PRKG1: variants seen among roughly 807,000 people sequenced by gnomAD.
PRKG1 encodes protein kinase cGMP-dependent 1, also known as cGMP-dependent protein kinase 1.
Under a neutral mutation model 88.1 loss-of-function variants are expected in PRKG1, and 35 were observed. The observed-to-expected ratio is 0.40, with a 90% CI of 0.30 to 0.53. The LOEUF (loss-of-function observed/expected upper bound fraction) is 0.53. Ranked by LOEUF, PRKG1 falls within the 20% of genes least tolerant of loss-of-function variation. The probability of loss-of-function intolerance (pLI) is 0.59; values close to 1 mark genes in which losing one functional copy is unlikely to be tolerated. For synonymous variants in PRKG1, 303 were observed against 292.5 expected, an observed-to-expected ratio of 1.04 and a Z score of -0.37; for missense variants, 540 against 839.8, an observed-to-expected ratio of 0.64 and a Z score of 4.41.
intron 5 of PRKG1, among the ~76,000 whole-genome samples, chr10:51,975,636 G>T (rs75529451): frequency 2.6e-5 from 4 of 152,040 alleles, no homozygotes; most frequent in Non-Finnish European, 4.4e-5. Flanking sequence ...TATGCAGAAG[G>T]TTAATTCATG....
chr10:51,528,674 GGGGGAAGACAGGGGGTGGCATAACTCT>G (rs904138173), intron 3 of PRKG1, among the ~76,000 whole-genome samples: 2 of 151,494 alleles, frequency 1.3e-5, no homozygotes, highest in African/African-American at 4.9e-5. Flanking sequence ...TCTCGGGGTG[GGGGGAAGACAGGGGGTGGCATAACTCT>G]TGCAGAGGGC....
intron 2 of PRKG1, among the ~76,000 whole-genome samples, chr10:51,455,179 G>A (rs207470896): frequency 4.6e-5 from 7 of 152,190 alleles, no homozygotes; most frequent in African/African-American, 1.7e-4. Context: ...GCTCTACCTT[G>A]GCCTCTTTAG....
At chr10:51,045,307 A>ATATGTATT (rs547101306) in intron 1 of PRKG1, among the ~76,000 whole-genome samples, 2 of 150,848 alleles carry the variant, frequency 1.3e-5, no homozygotes, top group African/African-American at 4.9e-5. Context: ...ATAGAAAAAA[A>ATATGTATT]TATTTATTTA....
At chr10:51,180,975 C>G (rs1837326016) in intron 2 of PRKG1, among the ~76,000 whole-genome samples, 1 of 152,014 alleles carries the variant, frequency 6.6e-6, no homozygotes, top group African/African-American at 2.4e-5. Flanking sequence ...ATTATTTGGT[C>G]TATAAAGATT....
intron 2 of PRKG1, among the ~76,000 whole-genome samples, chr10:51,380,961 C>A (rs1401811931): frequency 6.6e-6 from 1 of 152,022 alleles, no homozygotes; most frequent in Non-Finnish European, 1.5e-5. Flanking sequence ...CTACCAGACA[C>A]CCATCTTGCA....
chr10:51,907,925 C>G (rs977251221), intron 5 of PRKG1: 3 of 176,834 alleles, frequency 1.7e-5, no homozygotes, highest in African/African-American at 7.1e-5. Context: ...CAATTTACAA[C>G]TAGGATTAGT....
chr10:51,949,855 T>C (rs145559995), intron 5 of PRKG1, among the ~76,000 whole-genome samples: 1 of 152,220 alleles, frequency 6.6e-6, no homozygotes, highest in Non-Finnish European at 1.5e-5. Flanking sequence ...TAATCATACA[T>C]GTATACATGC....
chr10:51,882,470 A>C (rs563089964), intron 4 of PRKG1, among the ~76,000 whole-genome samples: 7 of 152,250 alleles, frequency 4.6e-5, no homozygotes, highest in South Asian at 2.1e-4. Flanking sequence ...GCCTCATTGT[A>C]TGTTAGGTGC....
rs572480292 is a variant in PRKG1, at chr10:51,944,555, A to G, written c.762+36985A>G. On this transcript the variant is annotated intron_variant, in intron 5 of 17. Transcript: ENST00000373980. Reference sequence around the variant, plus strand: ...CTTTTAATTATAATGTTAGGGTGTCAATTTTGGATCTTTCCTGCTTTCTCT... The same window carrying G: ...CTTTTAATTATAATGTTAGGGTGTCGATTTTGGATCTTTCCTGCTTTCTCT... Among the ~76,000 whole-genome samples, 6 of 152,032 alleles carry G rather than the reference A, an allele frequency of 3.9e-5. No homozygotes were observed. The East Asian group carries it at 1.2e-3, about 29-fold the overall frequency.
intron 9 of PRKG1, among the ~76,000 whole-genome samples, chr10:52,212,291 G>A (rs778964933): frequency 2.0e-5 from 3 of 152,178 alleles, no homozygotes; most frequent in Non-Finnish European, 4.4e-5. Flanking sequence ...CGCTCTGACT[G>A]ATAGAAAAGT....
At chr10:51,421,480 C>T (rs951074700) in intron 2 of PRKG1, among the ~76,000 whole-genome samples, 2 of 152,188 alleles carry the variant, frequency 1.3e-5, no homozygotes, top group Non-Finnish European at 2.9e-5. Context: ...TGCCTGGCCC[C>T]GATACCTTTT....
At chr10:51,951,229 A>T (rs1255148274) in intron 5 of PRKG1, among the ~76,000 whole-genome samples, 1 of 152,092 alleles carries the variant, frequency 6.6e-6, no homozygotes, top group South Asian at 2.1e-4. Flanking sequence ...GTGCTTTGGC[A>T]TTTGGCTGCC....
rs775418967 is a variant in PRKG1 at position 51,724,713 on chromosome 10, G to A, written c.593-79872G>A. 7.2e-5 allele frequency among the ~76,000 whole-genome samples: 11 copies of A among 151,842 alleles called. 1 individual carries two copies. Among genetic ancestry groups the A allele is most frequent in the Non-Finnish European group, 1.3e-4 (9 of 67,982 alleles). On this transcript the variant is annotated intron_variant, in intron 3 of 17. Transcript: ENST00000373980. Reference sequence around the variant, plus strand: ...CTTCATTCATGGGTTTTTGTTTCTCGAGACAAAGTCTCATTCTGTTGCCCA... The same window carrying A: ...CTTCATTCATGGGTTTTTGTTTCTCAAGACAAAGTCTCATTCTGTTGCCCA...
intron 2 of PRKG1, among the ~76,000 whole-genome samples, chr10:51,381,256 TAAAAAAAAAAAAAAAAAAAAAAAAAAAAA>T (rs71029366): frequency 6.9e-4 from 22 of 32,058 alleles, no homozygotes; most frequent in Non-Finnish European, 1.0e-3. Context: ...GCCTCCATCT[TAAAAAAAAAAAAAAAAAAAAAAAAAAAAA>T]AAAAAAAAAA....
intron 3 of PRKG1, among the ~76,000 whole-genome samples, chr10:51,648,876 A>G (rs1839975368): frequency 6.6e-6 from 1 of 152,140 alleles, no homozygotes; most frequent in Non-Finnish European, 1.5e-5. Context: ...GTATTTTTTC[A>G]TCATGTTTGC....
rs368657040 is a variant in PRKG1, at chr10:51,978,291, G to A, written c.762+70721G>A. On this transcript the variant is annotated intron_variant, in intron 5 of 17. Coordinates refer to ENST00000373980, the MANE Select transcript of PRKG1 (RefSeq NM_006258.4). Reference sequence around the variant, plus strand: ...TTTTAGGTGTGTGACCTTATTACTCGTCTCTCTACTCCATTTCACTGGTTT... The same window carrying A: ...TTTTAGGTGTGTGACCTTATTACTCATCTCTCTACTCCATTTCACTGGTTT... Among the ~76,000 whole-genome samples the A allele has an allele frequency of 7.9e-5, 12 of 151,874 alleles. No homozygotes were observed. The East Asian group carries it at 1.2e-3, about 15-fold the overall frequency.
intron 2 of PRKG1, among the ~76,000 whole-genome samples, chr10:51,261,464 T>C (rs1839702414): frequency 6.6e-6 from 1 of 152,226 alleles, no homozygotes; most frequent in African/African-American, 2.4e-5. Context: ...TGAATAGAAT[T>C]TGAACCATTT....
intron 5 of PRKG1, chr10:51,907,867 A>C (rs964861923): frequency 2.3e-4 from 58 of 257,202 alleles, no homozygotes; most frequent in African/African-American, 1.2e-3. Context: ...TATTTTAACT[A>C]GTGTAAAGTA....
intron 3 of PRKG1, among the ~76,000 whole-genome samples, chr10:51,740,307 G>C (rs1264508757): frequency 6.6e-6 from 1 of 152,206 alleles, no homozygotes; most frequent in Admixed American, 6.5e-5. Context: ...GGGATGACAG[G>C]CTGGAAACAT....
Sources: gnomAD v4.1 joint callset for allele counts (sites outside exome capture counted in the v4.1 genomes callset) on GRCh38, gnomAD v4.1.1 for gene constraint, MANE v1.5 for transcripts, NCBI Gene and HGNC (gene_info 2026-07-23, HGNC 2026-07-21) for gene names.